Variants in DISC1 observed in about 807,000 individuals in gnomAD.
DISC1 encodes DISC1 scaffold protein, also known as disrupted in schizophrenia 1 protein.
A neutral mutation model predicts 84.5 loss-of-function variants in DISC1; 57 were observed. The observed-to-expected ratio is 0.67, with a 90% CI of 0.55 to 0.84. The LOEUF (loss-of-function observed/expected upper bound fraction) is 0.84. Among genes scored for constraint, DISC1 ranks in the 40% least tolerant of loss-of-function variants. The pLI is 0.00. For synonymous variants in DISC1, 411 were observed against 415.2 expected, an observed-to-expected ratio of 0.99 and a Z score of 0.12; for missense variants, 1,000 against 1,057.8, an observed-to-expected ratio of 0.95 and a Z score of 0.76.
chr1:231,899,295 T>C (rs2126023014), intron 9 of DISC1, among the ~76,000 whole-genome samples: 1 of 152,302 alleles, frequency 6.6e-6, no homozygotes, highest in South Asian at 2.1e-4. Context: ...GAGCTTCTGA[T>C]TCAGTAGTCT....
intron 9 of DISC1, among the ~76,000 whole-genome samples, chr1:231,824,842 A>G (rs1295071940): frequency 6.6e-6 from 1 of 152,060 alleles, no homozygotes; most frequent in Non-Finnish European, 1.5e-5. Context: ...TTCATATGTA[A>G]TACTGTAGAA....
intron 10 of DISC1, among the ~76,000 whole-genome samples, chr1:231,961,918 A>G (rs1660441917): frequency 6.6e-6 from 1 of 152,176 alleles, no homozygotes. Context: ...GCTGGGTTGA[A>G]TGGCAGTTCT....
chr1:231,709,389 C>T (rs181864548), intron 3 of DISC1, among the ~76,000 whole-genome samples: 1 of 152,040 alleles, frequency 6.6e-6, no homozygotes, highest in Admixed American at 6.5e-5. Flanking sequence ...GGCTTTGCAT[C>T]TGGGTACACG....
At chr1:231,920,697 T>G (rs1023602196) in intron 9 of DISC1, among the ~76,000 whole-genome samples, 6 of 152,216 alleles carry the variant, frequency 3.9e-5, no homozygotes, top group African/African-American at 1.2e-4. Flanking sequence ...CTTCCCGCAT[T>G]TGGCTATTGT....
At chr1:231,769,218 G>A (rs1383503091) in intron 5 of DISC1, among the ~76,000 whole-genome samples, 2 of 152,162 alleles carry the variant, frequency 1.3e-5, no homozygotes, top group East Asian at 3.8e-4. Flanking sequence ...TTCCTTAAAA[G>A]ATTAAAAATT....
intron 1 of DISC1, among the ~76,000 whole-genome samples, chr1:231,687,294 G>A (rs1369917488): frequency 6.6e-6 from 1 of 152,176 alleles, no homozygotes; most frequent in Non-Finnish European, 1.5e-5. Flanking sequence ...AAGAAAAAGA[G>A]GTTTAATTGG....
chr1:231,865,365 G>T (rs533141077), intron 9 of DISC1, among the ~76,000 whole-genome samples: 2 of 152,334 alleles, frequency 1.3e-5, no homozygotes, highest in South Asian at 2.1e-4. Context: ...TGTTACACTG[G>T]TTTGTTTATA....
intron 9 of DISC1, among the ~76,000 whole-genome samples, chr1:231,844,667 A>G (rs1004605148): frequency 6.6e-6 from 1 of 152,142 alleles, no homozygotes. Flanking sequence ...AAGAGTTATT[A>G]TCAATACCCA....
chr1:231,678,750 C>T (rs998199420), intron 1 of DISC1, among the ~76,000 whole-genome samples: 2 of 152,196 alleles, frequency 1.3e-5, no homozygotes, highest in Admixed American at 1.3e-4. Flanking sequence ...ACTGCAACTT[C>T]CGCCTCCCGA....
chr1:231,662,762 A>G (rs970257309), intron 1 of DISC1, among the ~76,000 whole-genome samples: 1 of 152,250 alleles, frequency 6.6e-6, no homozygotes, highest in Non-Finnish European at 1.5e-5. Flanking sequence ...AGGATATTAT[A>G]TGTAATTCCC....
intron 3 of DISC1, among the ~76,000 whole-genome samples, chr1:231,732,768 C>A (rs1239303569): frequency 6.6e-6 from 1 of 152,206 alleles, no homozygotes; most frequent in Non-Finnish European, 1.5e-5. Flanking sequence ...GGATAGTTTG[C>A]TCTTTCTACT....
At chr1:231,709,425 G>C (rs1216432855) in intron 3 of DISC1, among the ~76,000 whole-genome samples, 1 of 152,034 alleles carries the variant, frequency 6.6e-6, no homozygotes, top group Non-Finnish European at 1.5e-5. Context: ...GGTCTTGGTA[G>C]GATTTCTTGG....
chr1:232,021,398 T>A (rs371067383), intron 11 of DISC1, among the ~76,000 whole-genome samples: 59 of 151,972 alleles, frequency 3.9e-4, no homozygotes, highest in African/African-American at 1.4e-3. Flanking sequence ...GTGCCTGTAC[T>A]GTTCAATAAC....
chr1:231,805,828 CTA>C (rs2079664282), intron 8 of DISC1, among the ~76,000 whole-genome samples: 1 of 152,114 alleles, frequency 6.6e-6, no homozygotes, highest in Non-Finnish European at 1.5e-5. Flanking sequence ...GCCCTGAGCT[CTA>C]TGCATACTGA....
At chr1:231,703,365 CG>C (rs942345056) in intron 3 of DISC1, among the ~76,000 whole-genome samples, 1 of 152,168 alleles carries the variant, frequency 6.6e-6, no homozygotes, top group Admixed American at 6.5e-5. Flanking sequence ...GGCTTCAGCC[CG>C]GGCACAGCTG....
chr1:231,750,311 C>T (rs1191426197), intron 4 of DISC1: 14 of 1,338,682 alleles, frequency 1.0e-5, no homozygotes, highest in Non-Finnish European at 1.3e-5. Flanking sequence ...AGAACCTTCT[C>T]AAGTGCAGCT....
chr1:231,849,782 C>T (rs925665525), intron 9 of DISC1, among the ~76,000 whole-genome samples: 1 of 152,190 alleles, frequency 6.6e-6, no homozygotes, highest in African/African-American at 2.4e-5. Context: ...ACCACCATAA[C>T]ACGTTGGTTT....
At chr1:231,743,717 A>C (rs1328661020) in intron 3 of DISC1, among the ~76,000 whole-genome samples, 1 of 152,242 alleles carries the variant, frequency 6.6e-6, no homozygotes, top group African/African-American at 2.4e-5. Context: ...CTTCTGAAGA[A>C]GGTGGCACAG....
intron 8 of DISC1, among the ~76,000 whole-genome samples, chr1:231,801,488 G>A (rs1338605803): frequency 6.6e-5 from 10 of 152,232 alleles, no homozygotes; most frequent in Admixed American, 2.6e-4. Flanking sequence ...GGTATATTGC[G>A]TATGGCGCAG....
Sources: allele counts gnomAD v4.1 joint callset (sites outside exome capture counted in the v4.1 genomes callset), GRCh38; gene constraint gnomAD v4.1.1; transcripts MANE v1.5; gene names NCBI Gene and HGNC (gene_info 2026-07-23, HGNC 2026-07-21).